The following FAM107B variants were observed in gnomAD, a reference collection of about 807,000 sequenced individuals.
The protein encoded by FAM107B is protein FAM107B.
Under a neutral mutation model 31.5 loss-of-function variants are expected in FAM107B, and 21 were observed. That is an observed-to-expected ratio of 0.67 (90% CI 0.47 to 0.96). The LOEUF (loss-of-function observed/expected upper bound fraction) is 0.96, where lower values mean the gene tolerates loss of function less well. FAM107B is among the 40% of genes least tolerant of loss of function. FAM107B has a pLI of 0.00. For missense variants in FAM107B, 452 were observed against 377.1 expected (o/e 1.20, Z -1.64); for synonymous variants, 157 against 141.5 (o/e 1.11, Z -0.78).
At chr10:14,675,992 T>C (rs1324996818) in intron 1 of FAM107B, among the ~76,000 whole-genome samples, 1 of 152,098 alleles carries the variant, frequency 6.6e-6, no homozygotes, top group African/African-American at 2.4e-5. Context: ...AGCCTGTCTC[T>C]GCAAGTAATA....
intron 2 of FAM107B, among the ~76,000 whole-genome samples, chr10:14,665,176 T>C (rs1381735841): frequency 6.6e-6 from 1 of 152,202 alleles, no homozygotes; most frequent in Non-Finnish European, 1.5e-5. Context: ...CACAGATAAA[T>C]TGGGATTCTA....
At chr10:14,543,528 A>T (rs1035939299) in intron 2 of FAM107B, among the ~76,000 whole-genome samples, 21 of 152,068 alleles carry the variant, frequency 1.4e-4, no homozygotes, top group African/African-American at 5.1e-4. Context: ...CTCCAGGCCA[A>T]ACGAGAGACC....
chr10:14,663,885 G>T (rs1302456561), intron 2 of FAM107B, among the ~76,000 whole-genome samples: 1 of 11,856 alleles, frequency 8.4e-5, no homozygotes, highest in African/African-American at 2.7e-4. Flanking sequence ...TAGATCATCA[G>T]CCAAAAAAAA....
At chr10:14,737,013 A>T (rs1406560347) in intron 1 of FAM107B, among the ~76,000 whole-genome samples, 2 of 152,108 alleles carry the variant, frequency 1.3e-5, no homozygotes, top group Non-Finnish European at 2.9e-5. Context: ...GAAGGCGGGG[A>T]GTATGAAGGC....
At position 14,761,033 on chromosome 10, in the gene FAM107B, A is replaced by G. The variant is rs903756744; in HGVS notation, c.411+13220T>C. Among the ~76,000 whole-genome samples the G allele has an allele frequency of 1.3e-4, 19 of 150,974 alleles. 1 individual carries two copies. The highest frequency in any genetic ancestry group is 7.9e-4 in the Admixed American group (12 of 15,174). ...TTTCAAAAAAAAAAAAAAAAAAAAAAAAAGAAAGACATATCGTTAAGCTAG... is the reference window on the plus strand; with the variant it reads ...TTTCAAAAAAAAAAAAAAAAAAAAAGAAAGAAAGACATATCGTTAAGCTAG... On this transcript the variant is annotated intron_variant, in intron 1 of 4. Transcript: ENST00000181796.
chr10:14,610,072 G>A (rs754538922), intron 2 of FAM107B, among the ~76,000 whole-genome samples: 24 of 152,328 alleles, frequency 1.6e-4, no homozygotes, highest in Middle Eastern at 3.4e-3. Flanking sequence ...GGCCGGGCAC[G>A]GTGGCTCACG....
At chr10:14,734,924 A>T (rs1856264154) in intron 1 of FAM107B, among the ~76,000 whole-genome samples, 1 of 152,098 alleles carries the variant, frequency 6.6e-6, no homozygotes, top group Non-Finnish European at 1.5e-5. Flanking sequence ...TGATATACGC[A>T]ATCTCCTCCC....
intron 1 of FAM107B, among the ~76,000 whole-genome samples, chr10:14,752,470 A>T (rs990510441): frequency 2.0e-5 from 3 of 152,240 alleles, no homozygotes; most frequent in African/African-American, 7.2e-5. Flanking sequence ...ATACAAAGAC[A>T]TATAGGTTCT....
intron 1 of FAM107B, among the ~76,000 whole-genome samples, chr10:14,763,201 G>A (rs1352053830): frequency 6.6e-6 from 1 of 152,182 alleles, no homozygotes; most frequent in Non-Finnish European, 1.5e-5. Flanking sequence ...GGCAGAGGTT[G>A]CAGTGAGCTG....
chr10:14,682,112 G>A (rs1328307433), intron 1 of FAM107B, among the ~76,000 whole-genome samples: 1 of 152,100 alleles, frequency 6.6e-6, no homozygotes, highest in Admixed American at 6.5e-5. Context: ...GCCTCTTTCT[G>A]GAGCACTTGT....
chr10:14,535,045 G>C (rs1034649051), intron 2 of FAM107B, among the ~76,000 whole-genome samples: 7 of 152,090 alleles, frequency 4.6e-5, no homozygotes, highest in African/African-American at 1.4e-4. Context: ...GTAAAGATGG[G>C]GTAGAAATGT....
chr10:14,527,149 T>C (rs1846349305), intron 3 of FAM107B, among the ~76,000 whole-genome samples: 1 of 152,056 alleles, frequency 6.6e-6, no homozygotes. Context: ...TCTTAATTGT[T>C]TTTTTAAAGA....
chr10:14,602,925 T>C (rs1169575646), intron 2 of FAM107B: 1 of 151,896 alleles, frequency 6.6e-6, no homozygotes. Context: ...TATTGTAGAA[T>C]TATCATGATT....
intron 1 of FAM107B, among the ~76,000 whole-genome samples, chr10:14,745,401 A>C (rs1278695796): frequency 1.3e-5 from 2 of 152,000 alleles, no homozygotes; most frequent in Non-Finnish European, 2.9e-5. Context: ...TTAGGATGTC[A>C]GTTTGAGATC....
At chr10:14,546,663 G>A (rs935777778) in intron 2 of FAM107B, among the ~76,000 whole-genome samples, 4 of 152,160 alleles carry the variant, frequency 2.6e-5, no homozygotes, top group Admixed American at 2.6e-4. Flanking sequence ...CGGTTATTTA[G>A]ACATCCTCTA....
At chr10:14,737,796 C>CTCTT (rs1564281086) in intron 1 of FAM107B, among the ~76,000 whole-genome samples, 1 of 151,528 alleles carries the variant, frequency 6.6e-6, no homozygotes, top group Non-Finnish European at 1.5e-5. Context: ...CTCTCTCTCT[C>CTCTT]TCTCCTTCGT....
intron 1 of FAM107B, among the ~76,000 whole-genome samples, chr10:14,685,138 T>TTTTA (rs1243312079): frequency 9.8e-4 from 46 of 46,836 alleles, no homozygotes; most frequent in African/African-American, 5.8e-3. Flanking sequence ...AATAACATCC[T>TTTTA]TTTATTTTTT....
chr10:14,634,369 C>T (rs1160825347), intron 2 of FAM107B, among the ~76,000 whole-genome samples: 1 of 148,968 alleles, frequency 6.7e-6, no homozygotes, highest in Non-Finnish European at 1.5e-5. Context: ...CACTGCACTC[C>T]AGCCTGGACC....
At chr10:14,752,238 A>G (rs566780665) in intron 1 of FAM107B, among the ~76,000 whole-genome samples, 2 of 152,316 alleles carry the variant, frequency 1.3e-5, no homozygotes, top group African/African-American at 4.8e-5. Flanking sequence ...AAAGGGACTC[A>G]ACCAATCTCC....
Sources: gnomAD v4.1 joint callset for allele counts (sites outside exome capture counted in the v4.1 genomes callset) on GRCh38, gnomAD v4.1.1 for gene constraint, MANE v1.5 for transcripts, NCBI Gene and HGNC (gene_info 2026-07-23, HGNC 2026-07-21) for gene names.